The following INTS14 variants were observed in gnomAD, a reference collection of about 807,000 sequenced individuals.
INTS14 encodes integrator complex subunit 14.
Under a neutral mutation model 56.9 loss-of-function variants are expected in INTS14, and 27 were observed. The observed-to-expected ratio is 0.47, with a 90% CI of 0.35 to 0.65. INTS14 has a LOEUF of 0.65. Among genes scored for constraint, INTS14 ranks in the 30% least tolerant of loss-of-function variants. The pLI, the probability that INTS14 is intolerant of heterozygous loss-of-function variation, is 0.00. For missense variants in INTS14, 517 were observed against 632.2 expected (o/e 0.82, Z 1.95); for synonymous variants, 207 against 236.2 (o/e 0.88, Z 1.13).
chr15:65,602,286 C>CT (rs199817472), intron 3 of INTS14, among the ~76,000 whole-genome samples: 7,310 of 141,658 alleles, frequency 0.052, 574 homozygotes, highest in African/African-American at 0.17. Context: ...AAAAATTCCA[C>CT]TTTTTTTTTT....
At chr15:65,603,344 CTA>C (rs1566931183) in intron 3 of INTS14, among the ~76,000 whole-genome samples, 2 of 152,138 alleles carry the variant, frequency 1.3e-5, no homozygotes, top group South Asian at 2.1e-4. Flanking sequence ...GTATACAGTT[CTA>C]TGAGTTTTGA....
chr15:65,595,975 A>G, intron 6 of INTS14, 150 bp from the exon 7 acceptor site: 1 of 580,950 alleles, frequency 1.7e-6, no homozygotes, highest in Non-Finnish European at 2.9e-6. Flanking sequence ...GAGTCGTCTA[A>G]TAATTTGCAT....
Position 65,598,892 on chromosome 15 carries a change from C to A in INTS14, c.585G>T (p.Lys195Asn), listed in dbSNP as rs376225067. 1.2e-6 allele frequency: 2 copies of A among 1,613,686 alleles called. No homozygotes were observed. The highest frequency in any genetic ancestry group is 2.2e-5 in the East Asian group (1 of 44,876). ...CTCACCCAAACATAGACTGTACATTCTTCAAGCACAGGGGGCCATCAATAG... is the reference window on the plus strand; with the variant it reads ...CTCACCCAAACATAGACTGTACATTATTCAAGCACAGGGGGCCATCAATAG... ...IFTIDGPLCL[K>N]NVQSMFGKLI... Residue 195 changes from lysine to asparagine, a missense_variant, in exon 5 of 12, where the codon AAG becomes AAT. Coordinates refer to ENST00000313182, the MANE Select transcript of INTS14 (RefSeq NM_001394796.1).
chr15:65,596,987 A>G (rs2073238103), intron 6 of INTS14, among the ~76,000 whole-genome samples: 2 of 152,226 alleles, frequency 1.3e-5, no homozygotes, highest in African/African-American at 4.8e-5. Flanking sequence ...AAAAAGGTCT[A>G]CTTTATTTTA....
Position 65,607,370 on chromosome 15 carries a change from A to C in INTS14, c.11T>G (p.Val4Gly). Residue 4 changes from valine (V) to glycine (G), a missense_variant, in exon 2 of 12, where the codon GTG becomes GGG. By Grantham distance (109) the Val-to-Gly change is moderately radical. Coordinates refer to ENST00000313182, the MANE Select transcript of INTS14 (RefSeq NM_001394796.1). The part of the protein sequence containing the change: MPT[V>G]VVMDVSLSMT... ...GGAAAGGGATACATCCATTACCACC[A>C]CTGTCGGCATGATGAAAATGATCCC... 1 of 1,614,244 alleles carries C rather than the reference A, an allele frequency of 6.2e-7. No individual in the cohort carries two copies.
chr15:65,591,754 A>G, intron 8 of INTS14, 23 bp from the exon 9 acceptor site: 1 of 1,612,548 alleles, frequency 6.2e-7, no homozygotes, highest in Non-Finnish European at 8.5e-7. Context: ...AAGACGGAAG[A>G]TCAGAAGAAC....
Position 65,579,520 on chromosome 15 carries a change from G to A in INTS14, c.1445C>T (p.Ala482Val), listed in dbSNP as rs773733142. ...HPDAAFQLTHAAQQLKLASTG... is the reference protein window; with the variant it reads ...HPDAAFQLTHVAQQLKLASTG... ...ACTGGCCAGCTTGAGCTGCTGGGCA[G>A]CATGGGTCAGCTGGAATGCAGCATC... Residue 482 changes from alanine (A) to valine (V), a missense_variant, in exon 12 of 12, where the codon GCT (alanine) becomes GTT (valine). By Grantham distance (64) the Ala-to-Val change is moderately conservative (BLOSUM62 0). Transcript: ENST00000313182. 3.7e-6 allele frequency: 6 copies of A among 1,614,102 alleles called. No homozygotes were observed. In the South Asian group the frequency reaches 6.6e-5, roughly 18 times the overall value.
chr15:65,594,794 C>A (rs186604390), intron 7 of INTS14, among the ~76,000 whole-genome samples: 2 of 152,148 alleles, frequency 1.3e-5, no homozygotes, highest in African/African-American at 4.8e-5. Context: ...ATGCAGAATT[C>A]CCCAGGGCCT....
intron 6 of INTS14, 66 bp from the exon 7 acceptor site, chr15:65,595,891 T>C: frequency 7.8e-7 from 1 of 1,284,726 alleles, no homozygotes; most frequent in South Asian, 1.3e-5. Context: ...TTCCATGTAT[T>C]ACATTTCACA....
intron 3 of INTS14, among the ~76,000 whole-genome samples, chr15:65,600,773 T>C (rs942668891): frequency 3.3e-5 from 5 of 152,298 alleles, no homozygotes; most frequent in African/African-American, 7.2e-5. Flanking sequence ...TATAGGTGTA[T>C]ACATTTGTCA....
chr15:65,579,314 G>A lies in INTS14; in HGVS notation c.*94C>T, dbSNP rs879173903. On this transcript the variant is annotated 3_prime_UTR_variant, in exon 12 of 12. Coordinates refer to ENST00000313182, the MANE Select transcript of INTS14 (RefSeq NM_001394796.1). ...TGAGGCAGCCTCAGGAAGGTCTTTG[G>A]GTGGCTATTCTAGAGGTGAACATAC... The A allele has an allele frequency of 2.2e-5, 33 of 1,515,796 alleles. No homozygotes were observed. Among genetic ancestry groups the A allele is most frequent in the Non-Finnish European group, 2.8e-5 (31 of 1,124,912 alleles). 93.9% of individuals were successfully genotyped at this position (1,515,796 alleles called of 1,614,324 possible).
intron 6 of INTS14, among the ~76,000 whole-genome samples, chr15:65,596,179 C>T (rs941781518): frequency 6.6e-6 from 1 of 152,208 alleles, no homozygotes; most frequent in Non-Finnish European, 1.5e-5. Flanking sequence ...TCCGCAGCAA[C>T]TACACTCAGC....
At chr15:65,590,502 C>T (rs1009696390) in intron 9 of INTS14, among the ~76,000 whole-genome samples, 6 of 152,216 alleles carry the variant, frequency 3.9e-5, no homozygotes, top group African/African-American at 1.4e-4. Flanking sequence ...CCCACTCTCA[C>T]ATTTTGTGCC....
chr15:65,580,435 C>T (rs2072559303), intron 11 of INTS14, among the ~76,000 whole-genome samples: 1 of 152,124 alleles, frequency 6.6e-6, no homozygotes, highest in African/African-American at 2.4e-5. Flanking sequence ...AGTGTGTCAT[C>T]ATGAGTAAAT....
intron 2 of INTS14, among the ~76,000 whole-genome samples, chr15:65,606,272 AT>A (rs1183394745): frequency 8.6e-5 from 13 of 151,570 alleles, no homozygotes; most frequent in African/African-American, 3.1e-4. Flanking sequence ...AAAAAAAAAA[AT>A]CTGAGATAAT....
At chr15:65,594,776 A>G (rs1162331913) in intron 7 of INTS14, among the ~76,000 whole-genome samples, 3 of 152,088 alleles carry the variant, frequency 2.0e-5, no homozygotes, top group Non-Finnish European at 2.9e-5. Flanking sequence ...CTTGGTAAGT[A>G]TACTGGCATG....
intron 3 of INTS14, among the ~76,000 whole-genome samples, chr15:65,604,730 CA>C (rs1040822777): frequency 3.9e-3 from 246 of 62,538 alleles, no homozygotes; most frequent in Admixed American, 4.4e-3. Flanking sequence ...ACCCTGTCTC[CA>C]AAAAAAAAAA....
chr15:65,579,284 G>T lies in INTS14; in HGVS notation c.*124C>A. 1 of 1,350,980 alleles carries T rather than the reference G, an allele frequency of 7.4e-7. No homozygotes were observed. The highest frequency in any genetic ancestry group is 1.0e-6 in the Non-Finnish European group (1 of 992,488). The allele number at this position is 1,350,980 out of a possible 1,614,324, so 83.7% of individuals were successfully genotyped here. A position where few individuals can be genotyped will look rare whatever the true frequency, so the allele number is the denominator to read the frequency against. ...AGAGTCATTCAAAACAGCAAGTGGT[G>T]CTTCTGAGGCAGCCTCAGGAAGGTC... On this transcript the variant is annotated 3_prime_UTR_variant, in exon 12 of 12. Transcript: ENST00000313182.
chr15:65,599,723 T>A (rs1411006426), intron 4 of INTS14, 51 bp downstream of exon 4: 2 of 1,590,552 alleles, frequency 1.3e-6, no homozygotes, highest in African/African-American at 2.7e-5. Flanking sequence ...AAAAATAAAC[T>A]AAGCTGTAAA....
Sources: allele counts gnomAD v4.1 joint callset (sites outside exome capture counted in the v4.1 genomes callset), GRCh38; gene constraint gnomAD v4.1.1; transcripts MANE v1.5; gene names NCBI Gene and HGNC (gene_info 2026-07-23, HGNC 2026-07-21).